The following EPHB1 variants were observed in gnomAD, a reference collection of about 807,000 sequenced individuals.
EPHB1 encodes EPH receptor B1, also known as ephrin type-B receptor 1.
A neutral mutation model predicts 94.4 loss-of-function variants in EPHB1; 30 were observed. That is an observed-to-expected ratio of 0.32 (90% CI 0.24 to 0.43). EPHB1 has a LOEUF of 0.43. EPHB1 is among the 20% of genes least tolerant of loss of function. EPHB1 has a pLI of 1.00. For synonymous variants in EPHB1, 522 were observed against 489.1 expected (o/e 1.07, Z -0.89); for missense variants, 1,055 against 1,308.3 (o/e 0.81, Z 2.99).
chr3:135,013,371 C>A (rs910668406), intron 3 of EPHB1, among the ~76,000 whole-genome samples: 5 of 152,190 alleles, frequency 3.3e-5, no homozygotes, highest in Non-Finnish European at 2.9e-5. Context: ...AGAGTCATTG[C>A]CTGCCTGTCA....
At chr3:135,059,606 T>G (rs553557068) in intron 3 of EPHB1, among the ~76,000 whole-genome samples, 1 of 152,318 alleles carries the variant, frequency 6.6e-6, no homozygotes, top group East Asian at 1.9e-4. Context: ...TGGAGTTCGT[T>G]GACTGTGATG....
intron 9 of EPHB1, among the ~76,000 whole-genome samples, chr3:135,169,216 T>G (rs1030652650): frequency 6.6e-6 from 1 of 152,100 alleles, no homozygotes; most frequent in Non-Finnish European, 1.5e-5. Flanking sequence ...AAACCAATCC[T>G]CAGTCTGCAG....
At chr3:135,089,638 G>A (rs1420598369) in intron 3 of EPHB1, among the ~76,000 whole-genome samples, 1 of 152,202 alleles carries the variant, frequency 6.6e-6, no homozygotes, top group Non-Finnish European at 1.5e-5. Flanking sequence ...CCTGAAAGGT[G>A]AGAGTGGGCA....
chr3:135,165,331 G>T (rs866504079), intron 7 of EPHB1, among the ~76,000 whole-genome samples: 1 of 152,182 alleles, frequency 6.6e-6, no homozygotes, highest in Non-Finnish European at 1.5e-5. Flanking sequence ...TAACGCCAGG[G>T]TTTAGATGAG....
In EPHB1 at chr3:134,944,823, A is replaced by G. The variant is rs1192102853; in HGVS notation, c.124-6548A>G. Among the ~76,000 whole-genome samples, 3 of 152,382 alleles carry G rather than the reference A, an allele frequency of 2.0e-5. No homozygotes were observed. The East Asian group carries it at 5.8e-4, about 29-fold the overall frequency. On this transcript the variant is annotated intron_variant, in intron 2 of 15. Coordinates refer to ENST00000398015, the MANE Select transcript of EPHB1 (RefSeq NM_004441.5). ...GCTGGGTCAAAGGGTGTATGTAGTC[A>G]TAATTTTGATAAATAAAACCAAAAT...
At chr3:134,982,388 G>A (rs1032970161) in intron 3 of EPHB1, among the ~76,000 whole-genome samples, 4 of 152,176 alleles carry the variant, frequency 2.6e-5, no homozygotes, top group Non-Finnish European at 5.9e-5. Flanking sequence ...TGAAGGAGGA[G>A]GAGAGAGGAG....
chr3:135,235,686 C>G (rs1943635025), intron 12 of EPHB1, among the ~76,000 whole-genome samples: 1 of 152,178 alleles, frequency 6.6e-6, no homozygotes, highest in Admixed American at 6.5e-5. Flanking sequence ...TCTGAGTAAT[C>G]AAAGAAAATG....
chr3:135,203,391 T>C (rs1942809160), intron 12 of EPHB1, among the ~76,000 whole-genome samples: 1 of 152,142 alleles, frequency 6.6e-6, no homozygotes. Context: ...TCTGTGTGTG[T>C]ATCCCAGAAC....
At chr3:135,119,478 A>G (rs978672757) in intron 4 of EPHB1, among the ~76,000 whole-genome samples, 1 of 151,808 alleles carries the variant, frequency 6.6e-6, no homozygotes, top group Admixed American at 6.6e-5. Flanking sequence ...CTTGAGTCAG[A>G]GTCTCGCTGT....
chr3:134,975,354 G>A (rs1019415625), intron 3 of EPHB1, among the ~76,000 whole-genome samples: 5 of 152,086 alleles, frequency 3.3e-5, no homozygotes, highest in Non-Finnish European at 2.9e-5. Flanking sequence ...TGGATTTCTG[G>A]GTAAGGCTAA....
At chr3:134,989,787 C>T (rs983665154) in intron 3 of EPHB1, among the ~76,000 whole-genome samples, 1 of 152,080 alleles carries the variant, frequency 6.6e-6, no homozygotes, top group African/African-American at 2.4e-5. Flanking sequence ...TATACTCTTT[C>T]CTGGAAGATT....
At chr3:134,894,657 A>G (rs1015567322) in intron 1 of EPHB1, among the ~76,000 whole-genome samples, 1 of 152,212 alleles carries the variant, frequency 6.6e-6, no homozygotes, top group South Asian at 2.1e-4. Flanking sequence ...GGGCTCTGAT[A>G]TAGCAGACCA....
At chr3:134,977,827 G>T in intron 3 of EPHB1, 1 of 357,732 alleles carries the variant, frequency 2.8e-6, no homozygotes, top group Admixed American at 3.6e-5. Flanking sequence ...GACCCCAGGA[G>T]ATGTTGGAAA....
At chr3:134,927,837 A>T (rs1159544464) in intron 2 of EPHB1, among the ~76,000 whole-genome samples, 1 of 152,226 alleles carries the variant, frequency 6.6e-6, no homozygotes, top group East Asian at 1.9e-4. Flanking sequence ...AGACACAGCC[A>T]GATCATTCTC....
At chr3:135,083,309 A>G (rs1938226577) in intron 3 of EPHB1, among the ~76,000 whole-genome samples, 1 of 151,960 alleles carries the variant, frequency 6.6e-6, no homozygotes, top group Non-Finnish European at 1.5e-5. Context: ...AGAAAGCAGC[A>G]GGGGGGAAAT....
chr3:135,024,714 A>C (rs1936088355), intron 3 of EPHB1, among the ~76,000 whole-genome samples: 1 of 152,226 alleles, frequency 6.6e-6, no homozygotes, highest in Non-Finnish European at 1.5e-5. Flanking sequence ...GAGTACCAAA[A>C]GGAAAAAATC....
rs1403718353 is a variant in EPHB1 at position 135,259,519 on chromosome 3, A to AT, written c.*401dup. On this transcript the variant is annotated 3_prime_UTR_variant, in exon 16 of 16. Transcript: ENST00000398015. ...TTCCATTTTCTTCCTCACCAATGACATTCTTTTCTTTTCTCCTTTCGTACT... is the reference window on the plus strand; with the variant it reads ...TTCCATTTTCTTCCTCACCAATGACATTTCTTTTCTTTTCTCCTTTCGTACT... 4.8e-6 allele frequency: 1 copy of AT among 209,692 alleles called. No homozygotes were observed. The highest frequency in any genetic ancestry group is 9.7e-6 in the Non-Finnish European group (1 of 103,084). 13.0% of individuals were successfully genotyped at this position (209,692 alleles called of 1,614,324 possible).
chr3:135,179,198 G>T (rs763197721), intron 9 of EPHB1, among the ~76,000 whole-genome samples: 1 of 152,050 alleles, frequency 6.6e-6, no homozygotes. Context: ...CAGTGTGTCC[G>T]AAGGCATGAA....
intron 3 of EPHB1, among the ~76,000 whole-genome samples, chr3:135,042,310 C>T (rs67617332): frequency 0.056 from 8,467 of 152,224 alleles, 313 homozygotes; most frequent in East Asian, 0.14. Context: ...AGCCTAATCA[C>T]CTCTCATTTG....
Sources: gnomAD v4.1 joint callset for allele counts (sites outside exome capture counted in the v4.1 genomes callset) on GRCh38, gnomAD v4.1.1 for gene constraint, MANE v1.5 for transcripts, NCBI Gene and HGNC (gene_info 2026-07-23, HGNC 2026-07-21) for gene names.